The following NRROS variants were observed in gnomAD, a reference collection of about 807,000 sequenced individuals.
NRROS encodes negative regulator of reactive oxygen species, also known as transforming growth factor beta activator LRRC33.
Under a neutral mutation model 12.0 loss-of-function variants are expected in NRROS, and 6 were observed. The ratio of observed to expected loss-of-function variants is 0.50; its 90% CI spans 0.27 to 0.98. The LOEUF (loss-of-function observed/expected upper bound fraction) is 0.98, where lower values mean the gene tolerates loss of function less well. NRROS is among the 50% of genes least tolerant of loss of function. NRROS has a pLI of 0.11. For missense variants in NRROS, 857 were observed against 888.2 expected (o/e 0.96, Z 0.45); for synonymous variants, 462 against 410.2 (o/e 1.13, Z -1.53).
chr3:196,643,962 C>G (rs1046044031), intron 1 of NRROS, among the ~76,000 whole-genome samples: 4 of 152,194 alleles, frequency 2.6e-5, no homozygotes, highest in Non-Finnish European at 2.9e-5. Flanking sequence ...CCTGCCTGGC[C>G]CTGGACCACC....
intron 1 of NRROS, among the ~76,000 whole-genome samples, chr3:196,648,155 T>G (rs1018423263): frequency 2.6e-5 from 4 of 152,240 alleles, no homozygotes; most frequent in Admixed American, 2.6e-4. Flanking sequence ...TTTTCCTCAT[T>G]TTTAAATGTG....
chr3:196,652,773 T>C (rs1000902033), intron 1 of NRROS, among the ~76,000 whole-genome samples: 2 of 152,090 alleles, frequency 1.3e-5, no homozygotes, highest in East Asian at 1.9e-4. Context: ...CCCTTACACG[T>C]CTAGATTCAG....
intron 1 of NRROS, among the ~76,000 whole-genome samples, chr3:196,653,590 T>C (rs1737475445): frequency 6.6e-6 from 1 of 152,144 alleles, no homozygotes; most frequent in Non-Finnish European, 1.5e-5. Flanking sequence ...GGGCGTCAGG[T>C]CCCCAGCAGG....
At chr3:196,643,744 T>A (rs1052054336) in intron 1 of NRROS, among the ~76,000 whole-genome samples, 2 of 152,180 alleles carry the variant, frequency 1.3e-5, no homozygotes, top group Non-Finnish European at 2.9e-5. Context: ...CTCCTGCTGA[T>A]CCTCCCTACT....
In NRROS at chr3:196,660,080, A is replaced by C. The variant is rs1372385223; in HGVS notation, c.437A>C (p.Glu146Ala). Residue 146 changes from glutamate to alanine, a missense_variant, in exon 3 of 3, where the codon GAG becomes GCG. Glu to Ala is a moderately radical substitution (Grantham distance 107). Transcript: ENST00000328557. The surrounding 1 kb of genome is among the most constrained non-coding windows in gnomAD (Gnocchi z 7.7). ...GACTTGTCAGGAAACGCCCTGACGG[A>C]GGACATGGCAGCCCTCATGCTCCAG... is the stretch of plus-strand genomic sequence containing the variant. ...RLDLSGNALT[E>A]DMAALMLQNL... The C allele has an allele frequency of 6.2e-7, 1 of 1,613,268 alleles. No homozygotes were observed. The highest frequency in any genetic ancestry group is 8.5e-7 in the Non-Finnish European group (1 of 1,179,936).
At chr3:196,658,060 T>A (rs1156817496) in intron 2 of NRROS, among the ~76,000 whole-genome samples, 4 of 152,340 alleles carry the variant, frequency 2.6e-5, no homozygotes, top group African/African-American at 9.6e-5. Flanking sequence ...GGTCACCCAT[T>A]TGATCAAAAG....
intron 2 of NRROS, among the ~76,000 whole-genome samples, chr3:196,656,863 G>T (rs1261207180): frequency 1.3e-4 from 20 of 152,072 alleles, no homozygotes. Context: ...GGAGAGTCTG[G>T]GTGCCCTCCA....
chr3:196,654,076 G>C lies in NRROS; in HGVS notation c.-13-451G>C, dbSNP rs913367478. Among the ~76,000 whole-genome samples, 1 of 152,174 alleles carries C rather than the reference G, an allele frequency of 6.6e-6. No individual in the cohort carries two copies. The highest frequency in any genetic ancestry group is 6.5e-5 in the Admixed American group (1 of 15,270). On this transcript the variant is annotated intron_variant, in intron 1 of 2. Transcript: ENST00000328557. The surrounding 1 kb of genome is among the most constrained non-coding windows in gnomAD (Gnocchi z 4.4). ...CTCTGGGACAGAGGCCCCCATCCGT[G>C]TTTCCGTCTCCGTCCACTCTCCAGT...
chr3:196,655,838 C>T (rs1737528835), intron 2 of NRROS, among the ~76,000 whole-genome samples: 2 of 152,072 alleles, frequency 1.3e-5, no homozygotes, highest in South Asian at 2.1e-4. Flanking sequence ...AGTAATTTTC[C>T]CCTTCATCTA....
At chr3:196,655,368 C>T (rs1737516087) in intron 2 of NRROS, among the ~76,000 whole-genome samples, 1 of 152,046 alleles carries the variant, frequency 6.6e-6, no homozygotes, top group South Asian at 2.1e-4. Flanking sequence ...AACCCCGTCT[C>T]TACTAAAAAT....
intron 1 of NRROS, among the ~76,000 whole-genome samples, chr3:196,640,463 A>C (rs559230086): frequency 6.6e-6 from 1 of 152,158 alleles, no homozygotes; most frequent in Non-Finnish European, 1.5e-5. Flanking sequence ...CAGCTGTGAA[A>C]ATGTGCAAAG....
At chr3:196,640,800 CCT>C (rs10566567) in intron 1 of NRROS, among the ~76,000 whole-genome samples, 17,947 of 152,140 alleles carry the variant, frequency 0.12, 1,456 homozygotes, top group African/African-American at 0.23. Flanking sequence ...AGGAATGGAG[CCT>C]CTCCGGACAG....
intron 2 of NRROS, among the ~76,000 whole-genome samples, chr3:196,657,560 A>C (rs1440892696): frequency 6.6e-6 from 1 of 152,064 alleles, no homozygotes; most frequent in Admixed American, 6.6e-5. Context: ...ATACAAAATT[A>C]GCCCGGTGTG....
At chr3:196,647,750 G>T (rs1436888448) in intron 1 of NRROS, among the ~76,000 whole-genome samples, 1 of 152,178 alleles carries the variant, frequency 6.6e-6, no homozygotes, top group Non-Finnish European at 1.5e-5. Flanking sequence ...GTAGAGACGG[G>T]GTTTCACCAT....
rs1737637252 is a variant in NRROS, at chr3:196,660,238, G to A, written c.595G>A (p.Gly199Ser). 6 of 1,613,758 alleles carry A rather than the reference G, an allele frequency of 3.7e-6. No homozygotes were observed. Among genetic ancestry groups the A allele is most frequent in the South Asian group, 2.2e-5 (2 of 91,088 alleles). The change falls in exon 3 of 3, where the codon GGC (glycine) becomes AGC (serine). Residue 199 changes from glycine (G) to serine (S), a missense_variant. By Grantham distance (56) the Gly-to-Ser change is moderately conservative. Transcript: ENST00000328557. The surrounding 1 kb of genome is among the most constrained non-coding windows in gnomAD (Gnocchi z 7.7). The stretch of plus-strand genomic sequence containing the variant: ...GAACTACATCTTCGAGATCGAGGGC[G>A]GCGCTTTCGACGGCCTGGCTGAGCT... ...QRNYIFEIEG[G>S]AFDGLAELRH...
At chr3:196,651,321 G>A (rs1435258818) in intron 1 of NRROS, among the ~76,000 whole-genome samples, 2 of 152,150 alleles carry the variant, frequency 1.3e-5, no homozygotes, top group East Asian at 3.8e-4. Flanking sequence ...ACCAGGAAAC[G>A]GAAACTGCCC....
In NRROS at chr3:196,659,912, G is replaced by A. The variant is rs769143815; in HGVS notation, c.269G>A (p.Ser90Asn). The A allele has an allele frequency of 6.2e-7, 1 of 1,614,116 alleles. No homozygotes were observed. ...YPLLESLSLH[S>N]CHLERISRGA... ...CTCCTGGAGAGCCTCAGCCTGCACAGCTGCCACCTGGAGCGCATCAGCCGC... is the reference window on the plus strand; with the variant it reads ...CTCCTGGAGAGCCTCAGCCTGCACAACTGCCACCTGGAGCGCATCAGCCGC... The change falls in exon 3 of 3, where the codon AGC (serine) becomes AAC (asparagine). Residue 90 changes from serine to asparagine, a missense_variant. Physicochemically the swap from Ser to Asn is conservative, Grantham distance 46 (BLOSUM62 1). Transcript: ENST00000328557.
Position 196,661,055 on chromosome 3 carries a change from G to A in NRROS, c.1412G>A (p.Gly471Asp). Residue 471 changes from glycine (G) to aspartate (D), a missense_variant, in exon 3 of 3, where the codon GGC becomes GAC. Gly to Asp is a moderately conservative substitution (Grantham distance 94, BLOSUM62 -1). Coordinates refer to ENST00000328557, the MANE Select transcript of NRROS (RefSeq NM_198565.3). ...MASLRSLSLE[G>D]CGLGALPDCP... The stretch of plus-strand genomic sequence containing the variant: ...TCTTTAAGGAGCCTGTCTCTGGAGG[G>A]CTGTGGCCTGGGGGCATTGCCAGAC... 1 of 1,614,186 alleles carries A rather than the reference G, an allele frequency of 6.2e-7. No individual in the cohort carries two copies. Among genetic ancestry groups the A allele is most frequent in the South Asian group, 1.1e-5 (1 of 91,080 alleles).
chr3:196,660,639 C>G lies in NRROS; in HGVS notation c.996C>G (p.Phe332Leu), dbSNP rs900005818. 6.2e-7 allele frequency: 1 copy of G among 1,614,112 alleles called. No homozygotes were observed. Among genetic ancestry groups the G allele is most frequent in the African/African-American group, 1.3e-5 (1 of 74,946 alleles). ...FSSSDLADLR[F>L]LDMSQNQFQY... ...CCAGCGACCTCGCAGATCTCCGCTT[C>G]CTGGACATGAGCCAGAACCAGTTCC... Residue 332 changes from phenylalanine (F) to leucine (L), a missense_variant, in exon 3 of 3, where the codon TTC becomes TTG. By Grantham distance (22) the Phe-to-Leu change is conservative. Transcript: ENST00000328557. This position sits in a 1 kb window ranked among gnomAD's most constrained non-coding sequence, Gnocchi z 7.7.
Sources: allele counts gnomAD v4.1 joint callset (sites outside exome capture counted in the v4.1 genomes callset), GRCh38; gene constraint gnomAD v4.1.1; non-coding constraint Gnocchi (gnomAD v3.1); transcripts MANE v1.5; gene names NCBI Gene and HGNC (gene_info 2026-07-23, HGNC 2026-07-21).